Variants in SLC19A1 observed in about 807,000 individuals in gnomAD.
SLC19A1 encodes solute carrier family 19 member 1, also known as reduced folate transporter.
In SLC19A1, 37 loss-of-function variants were observed where a neutral mutation model predicts 35.3. The observed-to-expected ratio is 1.05, with a 90% CI of 0.81 to 1.38. The LOEUF (loss-of-function observed/expected upper bound fraction) is 1.38, where lower values mean the gene tolerates loss of function less well. SLC19A1 is among the 40% of genes most tolerant of loss of function. The pLI, the probability that SLC19A1 is intolerant of heterozygous loss-of-function variation, is 0.00. For synonymous variants in SLC19A1, 460 were observed against 398.5 expected, an observed-to-expected ratio of 1.15 and a Z score of -1.84; for missense variants, 831 against 826.9, an observed-to-expected ratio of 1.00 and a Z score of -0.06.
At chr21:45,538,058 T>G in intron 1 of SLC19A1, 50 bp from the exon 2 acceptor site, 1 of 1,114,172 alleles carries the variant, frequency 9.0e-7, no homozygotes, top group Non-Finnish European at 1.2e-6. Context: ...TCTGCAGGCC[T>G]CCCTACCCCG....
intron 3 of SLC19A1, chr21:45,506,417 C>G (rs1602625244): frequency 3.1e-6 from 1 of 323,938 alleles, no homozygotes; most frequent in Admixed American, 4.3e-5. Flanking sequence ...TGAAATGCAT[C>G]CTCTCTGCTT....
rs778364546 is a variant in SLC19A1 at position 45,505,262 on chromosome 21, T to C, written c.498-6650A>G. On this transcript the variant is annotated intron_variant, in intron 3 of 4. Coordinates refer to the SLC19A1 transcript ENST00000417954. ...GCCCCCCAGGGCCCCCTTCATTTCC[T>C]GGCCCTCACAGGCAGAGTAAGTCAG... 3 of 1,607,738 alleles carry C rather than the reference T, an allele frequency of 1.9e-6. No homozygotes were observed. In the Admixed American group the frequency reaches 5.0e-5, roughly 27 times the overall value.
At chr21:45,528,653 G>A (rs2838958) in intron 4 of SLC19A1, among the ~76,000 whole-genome samples, 69,288 of 152,056 alleles carry the variant, frequency 0.46, 17,257 homozygotes, top group South Asian at 0.61. Flanking sequence ...TCCACCTGAG[G>A]GTCATTATTA....
At position 45,542,005 on chromosome 21, in the gene SLC19A1, C is replaced by T. The variant is rs557154056; in HGVS notation, c.-50+363G>A. Among the ~76,000 whole-genome samples the T allele has an allele frequency of 7.9e-3, 1,196 of 152,074 alleles. 23 individuals carry two copies. Among genetic ancestry groups the T allele is most frequent in the African/African-American group, 0.028 (1,148 of 41,436 alleles). On this transcript the variant is annotated intron_variant, in intron 1 of 5. Coordinates refer to ENST00000311124, the MANE Select transcript of SLC19A1 (RefSeq NM_194255.4). ...CAGGCGCCCGGGCCACCGCGACCCC[C>T]GCGGAGACCCCGGCCCACGCCCCGC...
chr21:45,513,861 A>G lies in SLC19A1; in HGVS notation c.*1797T>C, dbSNP rs1401012920. The G allele has an allele frequency of 6.6e-6, 1 of 152,276 alleles. No homozygotes were observed. Among genetic ancestry groups the G allele is most frequent in the Non-Finnish European group, 1.5e-5 (1 of 68,078 alleles). 9.4% of individuals were successfully genotyped at this position (152,276 alleles called of 1,614,324 possible). ...GCACGCACGGTTACATGGGGTATGC[A>G]TGCATGGCCATACACAGGCGTGCAG... On this transcript the variant is annotated 3_prime_UTR_variant, in exon 6 of 6. Transcript: ENST00000311124.
At chr21:45,562,537 C>T (rs1036893692) in intron 1 of SLC19A1, among the ~76,000 whole-genome samples, 1 of 152,192 alleles carries the variant, frequency 6.6e-6, no homozygotes, top group Non-Finnish European at 1.5e-5. Flanking sequence ...GCAGTGCTCC[C>T]TGAGAGACGT....
Position 45,512,575 on chromosome 21 carries a change from T to TA in SLC19A1, c.*3082dup. On this transcript the variant is annotated 3_prime_UTR_variant, in exon 6 of 6. Transcript: ENST00000311124. ...AAGGAAGCCAAAGAGTGTATTTTTT[T>TA]AAAAGTTTAAAACAGAAGCCTGATG... The TA allele has an allele frequency of 1.5e-6, 1 of 658,896 alleles. No homozygotes were observed. 40.8% of individuals were successfully genotyped at this position (658,896 alleles called of 1,614,324 possible).
chr21:45,561,139 A>G (rs1470554985), intron 1 of SLC19A1, among the ~76,000 whole-genome samples: 1 of 152,220 alleles, frequency 6.6e-6, no homozygotes, highest in East Asian at 1.9e-4. Flanking sequence ...AGTCTTGTTG[A>G]GAAGACAAGA....
rs1402810526 is a variant in SLC19A1, at chr21:45,534,647, C to T, written c.190-2499G>A. ...CTTAGTTGAGGGTCTGAGCGCAGAG[C>T]TCCCCCTTGGCAGCCACCCAGAGCC... On this transcript the variant is annotated intron_variant, in intron 2 of 5. Transcript: ENST00000311124. The surrounding 1 kb of genome is among the most constrained non-coding windows in gnomAD (Gnocchi z 4.2). 1 of 1,526,364 alleles carries T rather than the reference C, an allele frequency of 6.6e-7. No homozygotes were observed. Among genetic ancestry groups the T allele is most frequent in the Non-Finnish European group, 8.8e-7 (1 of 1,138,808 alleles). The allele number at this position is 1,526,364 out of a possible 1,614,324, so 94.6% of individuals were successfully genotyped here. A position where few individuals can be genotyped will look rare whatever the true frequency, so the allele number is the denominator to read the frequency against.
chr21:45,520,743 G>C (rs118127630), intron 5 of SLC19A1, among the ~76,000 whole-genome samples: 1 of 152,104 alleles, frequency 6.6e-6, no homozygotes, highest in Non-Finnish European at 1.5e-5. Context: ...GACACTAGCC[G>C]GGCATGGTGG....
chr21:45,535,275 C>T (rs1345960807), intron 2 of SLC19A1, among the ~76,000 whole-genome samples: 2 of 152,222 alleles, frequency 1.3e-5, no homozygotes, highest in Admixed American at 6.5e-5. Flanking sequence ...CTCACGGACT[C>T]GGCCGGGGAA....
intron 5 of SLC19A1, among the ~76,000 whole-genome samples, chr21:45,519,375 C>A (rs1196712366): frequency 6.6e-6 from 1 of 151,838 alleles, no homozygotes; most frequent in South Asian, 2.1e-4. Context: ...CTAAATACAC[C>A]AACTGTAAGA....
chr21:45,504,654 G>T, intron 3 of SLC19A1: 1 of 1,080,548 alleles, frequency 9.3e-7, no homozygotes. Flanking sequence ...CGCGAAGGCC[G>T]GAGCTGCCCC....
intron 3 of SLC19A1, chr21:45,504,591 C>T (rs1054102848): frequency 1.3e-6 from 2 of 1,550,196 alleles, no homozygotes; most frequent in Middle Eastern, 2.2e-4. Context: ...AGCCCATGTC[C>T]CAGGGGTCTG....
At chr21:45,522,284 C>G (rs569044631) in intron 5 of SLC19A1, among the ~76,000 whole-genome samples, 1 of 152,266 alleles carries the variant, frequency 6.6e-6, no homozygotes, top group East Asian at 1.9e-4. Context: ...CAAATTAAAA[C>G]CACAATGAAA....
At chr21:45,562,330 G>A (rs535539700) in intron 1 of SLC19A1, among the ~76,000 whole-genome samples, 5 of 152,230 alleles carry the variant, frequency 3.3e-5, no homozygotes, top group East Asian at 1.9e-4. Context: ...CATCGGCATC[G>A]TAAAGGGAAG....
At position 45,530,290 on chromosome 21, in the gene SLC19A1, T is replaced by C. The variant is rs1456701709; in HGVS notation, c.1151+480A>G. ...TGTGTGAGTGTGGTGTGTTTGTCCA[T>C]GTGTGCACGTGTGGTATGTGTTCAT... is the stretch of plus-strand genomic sequence containing the variant. On this transcript the variant is annotated intron_variant, in intron 4 of 5. Coordinates refer to ENST00000311124, the MANE Select transcript of SLC19A1 (RefSeq NM_194255.4). The surrounding 1 kb of genome is among the most constrained non-coding windows in gnomAD (Gnocchi z 5.3). 1.3e-5 allele frequency among the ~76,000 whole-genome samples: 2 copies of C among 151,482 alleles called. No individual in the cohort carries two copies. The highest frequency in any genetic ancestry group is 2.4e-5 in the African/African-American group (1 of 41,142).
rs56822323 is a variant in SLC19A1 at position 45,530,899 on chromosome 21, C to T, written c.1022G>A (p.Gly341Asp). Reference protein sequence around the residue: ...WARWSKLLIAGVTATQAGLVF... With the variant: ...WARWSKLLIADVTATQAGLVF... ...CAGCCCCGCCTGCGTGGCCGTGACG[C>T]CCGCGATGAGCAGCTTGGACCAGCG... The change falls in exon 4 of 6, where the codon GGC becomes GAC. Residue 341 changes from glycine (G) to aspartate (D), a missense_variant. Physicochemically the swap from Gly to Asp is moderately conservative, Grantham distance 94. Coordinates refer to ENST00000311124, the MANE Select transcript of SLC19A1 (RefSeq NM_194255.4). This position sits in a 1 kb window ranked among gnomAD's most constrained non-coding sequence, Gnocchi z 5.3. 2 of 1,480,584 alleles carry T rather than the reference C, an allele frequency of 1.4e-6. No individual in the cohort carries two copies. Among genetic ancestry groups the T allele is most frequent in the Non-Finnish European group, 1.8e-6 (2 of 1,117,964 alleles). 91.7% of individuals were successfully genotyped at this position (1,480,584 alleles called of 1,614,324 possible). A position where few individuals can be genotyped will look rare whatever the true frequency, so the allele number is the denominator to read the frequency against.
In SLC19A1 at chr21:45,530,831, G is replaced by A. The variant is rs752924355; in HGVS notation, c.1090C>T (p.Leu364=). 1.3e-6 allele frequency: 2 copies of A among 1,535,650 alleles called. No individual in the cohort carries two copies. Among genetic ancestry groups the A allele is most frequent in the South Asian group, 1.2e-5 (1 of 82,048 alleles). The change falls in exon 4 of 6, where the codon CTG becomes TTG. Residue 364 remains leucine, a synonymous_variant. Coordinates refer to ENST00000311124, the MANE Select transcript of SLC19A1 (RefSeq NM_194255.4). This position sits in a 1 kb window ranked among gnomAD's most constrained non-coding sequence, Gnocchi z 5.3. The stretch of plus-strand genomic sequence containing the variant: ...AACAGCACGAAGGCCGCATAGCACA[G>A]CCAGATGCTGCTCGGGTGGCGCGTG... The part of the protein sequence containing the change: ...AHTRHPSSIW[L]CYAAFVLFRG...
Sources: gnomAD v4.1 joint callset for allele counts (sites outside exome capture counted in the v4.1 genomes callset) on GRCh38, gnomAD v4.1.1 for gene constraint, Gnocchi (gnomAD v3.1) non-coding constraint, MANE v1.5 for transcripts, NCBI Gene and HGNC (gene_info 2026-07-23, HGNC 2026-07-21) for gene names.